VPS26A: variants seen among roughly 807,000 people sequenced by gnomAD.
VPS26A encodes vacuolar protein sorting-associated protein 26A.
A neutral mutation model predicts 42.4 loss-of-function variants in VPS26A; 22 were observed. The ratio of observed to expected loss-of-function variants is 0.52; its 90% CI spans 0.37 to 0.74. The LOEUF is 0.74. VPS26A is among the 30% of genes least tolerant of loss of function. VPS26A has a pLI of 0.00. For synonymous variants in VPS26A, 110 were observed against 123.5 expected (o/e 0.89, Z 0.73); for missense variants, 276 against 379.2 (o/e 0.73, Z 2.26).
At chr10:69,146,777 A>G (rs1173963693) in intron 2 of VPS26A, among the ~76,000 whole-genome samples, 1 of 152,120 alleles carries the variant, frequency 6.6e-6, no homozygotes, top group Admixed American at 6.5e-5. Context: ...GTGCCAGATA[A>G]TATTCTAATA....
chr10:69,133,189 A>C (rs1183550791), intron 2 of VPS26A, 142 bp downstream of exon 2: 1 of 859,240 alleles, frequency 1.2e-6, no homozygotes, highest in African/African-American at 1.8e-5. Flanking sequence ...AAAATATTTG[A>C]TTGATTAGAA....
intron 2 of VPS26A, among the ~76,000 whole-genome samples, 176 bp from the exon 3 acceptor site, chr10:69,155,636 C>A (rs1312099790): frequency 6.6e-6 from 1 of 152,244 alleles, no homozygotes; most frequent in South Asian, 2.1e-4. Flanking sequence ...TTGTGTATAA[C>A]TAAATTACAC....
intron 7 of VPS26A, among the ~76,000 whole-genome samples, chr10:69,166,682 G>A (rs902753697): frequency 6.6e-6 from 1 of 152,182 alleles, no homozygotes; most frequent in African/African-American, 2.4e-5. Flanking sequence ...AACTCTTTGA[G>A]CTAGGTGGTT....
At chr10:69,130,373 G>T (rs187600216) in intron 1 of VPS26A, among the ~76,000 whole-genome samples, 2 of 152,232 alleles carry the variant, frequency 1.3e-5, no homozygotes, top group African/African-American at 4.8e-5. Flanking sequence ...AAACTCAAAG[G>T]GTGAATTAGG....
chr10:69,155,145 GA>G (rs10618581), intron 2 of VPS26A, among the ~76,000 whole-genome samples: 17,652 of 150,760 alleles, frequency 0.12, 2,573 homozygotes, highest in African/African-American at 0.35. Flanking sequence ...GTCCTTTCTG[GA>G]AAAAAAAAAA....
At chr10:69,137,070 G>A (rs557645643) in intron 2 of VPS26A, among the ~76,000 whole-genome samples, 6 of 152,300 alleles carry the variant, frequency 3.9e-5, no homozygotes, top group South Asian at 4.1e-4. Flanking sequence ...GATTACAGGC[G>A]TGAGCCACCG....
chr10:69,145,990 C>A (rs758591036), intron 2 of VPS26A, among the ~76,000 whole-genome samples: 4 of 152,218 alleles, frequency 2.6e-5, no homozygotes, highest in Non-Finnish European at 5.9e-5. Flanking sequence ...TACTGTGTGG[C>A]CTTTTGTGTC....
chr10:69,149,739 T>TTTG (rs1841252953), intron 2 of VPS26A, among the ~76,000 whole-genome samples: 3 of 32,254 alleles, frequency 9.3e-5, no homozygotes, highest in African/African-American at 2.2e-4. Flanking sequence ...TTTTTGTTTT[T>TTTG]TTTTTTTTTT....
At chr10:69,131,795 T>C (rs573878239) in intron 1 of VPS26A, among the ~76,000 whole-genome samples, 2 of 152,306 alleles carry the variant, frequency 1.3e-5, no homozygotes, top group African/African-American at 4.8e-5. Context: ...GATGACATGA[T>C]AGGAGACTGT....
intron 1 of VPS26A, among the ~76,000 whole-genome samples, chr10:69,126,607 G>A (rs1234677266): frequency 6.6e-6 from 1 of 150,948 alleles, no homozygotes; most frequent in Admixed American, 6.6e-5. Flanking sequence ...CTGAATTGCT[G>A]TCTGCATCAT....
chr10:69,132,431 G>GTTTTTTTTTTTTTTTTTTTTTTTTTT (rs3086557), intron 1 of VPS26A, among the ~76,000 whole-genome samples: 1 of 141,288 alleles, frequency 7.1e-6, no homozygotes, highest in African/African-American at 2.6e-5. Flanking sequence ...TTTTGATGTA[G>GTTTTTTTTTTTTTTTTTTTTTTTTTT]TTTTTTTTTT....
At chr10:69,154,680 T>C (rs1489466197) in intron 2 of VPS26A, among the ~76,000 whole-genome samples, 1 of 152,120 alleles carries the variant, frequency 6.6e-6, no homozygotes, top group African/African-American at 2.4e-5. Flanking sequence ...TTGGGCAATA[T>C]AGTGAGACCT....
chr10:69,162,633 T>C (rs1841586880), intron 6 of VPS26A, 121 bp downstream of exon 6: 2 of 535,228 alleles, frequency 3.7e-6, no homozygotes, highest in African/African-American at 2.0e-5. Context: ...CTAGTTAATA[T>C]TGCTGGCAGT....
chr10:69,146,784 A>C (rs902183866), intron 2 of VPS26A, among the ~76,000 whole-genome samples: 3 of 152,184 alleles, frequency 2.0e-5, no homozygotes, highest in Non-Finnish European at 4.4e-5. Context: ...ATAATATTCT[A>C]ATATATCCGT....
chr10:69,154,597 T>A (rs956353415), intron 2 of VPS26A, among the ~76,000 whole-genome samples: 4 of 152,190 alleles, frequency 2.6e-5, no homozygotes, highest in Admixed American at 6.5e-5. Flanking sequence ...GTACAGTGGC[T>A]CATGCCTGTA....
chr10:69,152,211 AAAAAC>A (rs1355986068), intron 2 of VPS26A, among the ~76,000 whole-genome samples: 2 of 152,322 alleles, frequency 1.3e-5, no homozygotes, highest in East Asian at 3.9e-4. Context: ...CCTGTCTACA[AAAAAC>A]AAAACAAAAA....
intron 3 of VPS26A, 111 bp downstream of exon 3, chr10:69,155,998 T>C: frequency 3.9e-6 from 3 of 767,500 alleles, no homozygotes; most frequent in Non-Finnish European, 6.3e-6. Context: ...AAGGAAGGAA[T>C]TGATTTTGCA....
At chr10:69,162,137 ATG>A (rs2132232839) in intron 5 of VPS26A, among the ~76,000 whole-genome samples, 1 of 152,058 alleles carries the variant, frequency 6.6e-6, no homozygotes, top group South Asian at 2.1e-4. Context: ...GATCACAAGC[ATG>A]TGCCACCATG....
chr10:69,145,235 A>T (rs190382372), intron 2 of VPS26A, among the ~76,000 whole-genome samples: 1 of 152,082 alleles, frequency 6.6e-6, no homozygotes, highest in Admixed American at 6.6e-5. Context: ...GGGTTTCACC[A>T]TATTGGCCAG....
Sources: allele counts gnomAD v4.1 joint callset (sites outside exome capture counted in the v4.1 genomes callset), GRCh38; gene constraint gnomAD v4.1.1; transcripts MANE v1.5; gene names NCBI Gene and HGNC (gene_info 2026-07-23, HGNC 2026-07-21).